Variants in CPXM2 observed in about 807,000 individuals in gnomAD.
CPXM2 encodes carboxypeptidase X, M14 family member 2.
In CPXM2, 66 loss-of-function variants were observed where a neutral mutation model predicts 86.1. The observed-to-expected ratio is 0.77, with a 90% CI of 0.63 to 0.94. The LOEUF (loss-of-function observed/expected upper bound fraction) is 0.94, where lower values mean the gene tolerates loss of function less well. Ranked by LOEUF, CPXM2 falls within the 40% of genes least tolerant of loss-of-function variation. CPXM2 has a pLI of 0.00. For synonymous variants in CPXM2, 388 were observed against 400.2 expected, an observed-to-expected ratio of 0.97 and a Z score of 0.36; for missense variants, 948 against 1,026.3, an observed-to-expected ratio of 0.92 and a Z score of 1.04.
At chr10:123,765,066 A>G (rs1480850905) in intron 10 of CPXM2, among the ~76,000 whole-genome samples, 1 of 152,136 alleles carries the variant, frequency 6.6e-6, no homozygotes, top group African/African-American at 2.4e-5. Context: ...ACAACCTTCC[A>G]GTTTAATTGT....
chr10:123,773,997 T>C (rs1360679337), intron 7 of CPXM2, among the ~76,000 whole-genome samples: 1 of 152,216 alleles, frequency 6.6e-6, no homozygotes, highest in Non-Finnish European at 1.5e-5. Flanking sequence ...TGCAAATCTG[T>C]GATTTGCTAG....
At chr10:123,749,541 A>G (rs1589956175) in intron 13 of CPXM2, among the ~76,000 whole-genome samples, 1 of 152,264 alleles carries the variant, frequency 6.6e-6, no homozygotes, top group Admixed American at 6.5e-5. Context: ...GCAGGGCCAC[A>G]TGGCGATGAA....
intron 3 of CPXM2, among the ~76,000 whole-genome samples, chr10:123,850,993 C>T (rs905212399): frequency 6.6e-6 from 1 of 152,234 alleles, no homozygotes; most frequent in Non-Finnish European, 1.5e-5. Flanking sequence ...CATTGCCCTA[C>T]ATCTTTGTCC....
intron 2 of CPXM2, among the ~76,000 whole-genome samples, chr10:123,878,075 T>G (rs530164041): frequency 6.6e-6 from 1 of 151,948 alleles, no homozygotes; most frequent in South Asian, 2.1e-4. Context: ...GCAACCTGAG[T>G]AGATCCTGAC....
chr10:123,854,768 C>T (rs763206134), intron 3 of CPXM2, among the ~76,000 whole-genome samples: 3 of 151,672 alleles, frequency 2.0e-5, no homozygotes, highest in Non-Finnish European at 4.4e-5. Context: ...GTAGGATGAC[C>T]GTCTTCTGGA....
chr10:123,761,776 G>T, intron 11 of CPXM2, 96 bp downstream of exon 11: 1 of 1,261,602 alleles, frequency 7.9e-7, no homozygotes. Context: ...ACCACTTAGT[G>T]ACAACAGGAC....
intron 2 of CPXM2, among the ~76,000 whole-genome samples, chr10:123,863,938 G>A (rs1590079687): frequency 6.6e-6 from 1 of 152,250 alleles, no homozygotes; most frequent in South Asian, 2.1e-4. Flanking sequence ...TCCACCAGAG[G>A]GCCTTGTCAG....
At chr10:123,767,429 C>T (rs1846504919) in intron 9 of CPXM2, among the ~76,000 whole-genome samples, 1 of 152,200 alleles carries the variant, frequency 6.6e-6, no homozygotes, top group South Asian at 2.1e-4. Flanking sequence ...TTCCTTCTTC[C>T]ACCCCTACCT....
chr10:123,776,299 C>T (rs148601728), intron 7 of CPXM2, among the ~76,000 whole-genome samples: 2,702 of 152,262 alleles, frequency 0.018, 37 homozygotes, highest in Non-Finnish European at 0.028. Flanking sequence ...TCTTAGAAAG[C>T]ACCAGGGTTT....
Position 123,923,576 on chromosome 10 carries a change from G to A in CPXM2, n.174+15901C>T, listed in dbSNP as rs540611334. 1.4e-4 allele frequency among the ~76,000 whole-genome samples: 21 copies of A among 148,528 alleles called. No individual in the cohort carries two copies. In the East Asian group the frequency reaches 2.8e-3, roughly 20 times the overall value. On this transcript the variant is annotated intron_variant and non_coding_transcript_variant, in intron 2 of 19. Coordinates refer to the CPXM2 transcript ENST00000368854. ...AGCCTGGGCGACAGAGCGAGACTCC[G>A]TCTCAAAAAAAAAAAAAAGAAATAA...
chr10:123,746,745 T>A lies in CPXM2; in HGVS notation c.*19A>T. The A allele has an allele frequency of 6.2e-7, 1 of 1,612,472 alleles. No homozygotes were observed. On this transcript the variant is annotated 3_prime_UTR_variant, in exon 14 of 14. Coordinates refer to ENST00000241305, the MANE Select transcript of CPXM2 (RefSeq NM_198148.3). ...TTAATTTGCATGGGTCCCAGACGAG[T>A]CTCAAGGGCCCAGGAGGGTCACCCA...
rs1028144983 is a variant in CPXM2 at position 123,923,363 on chromosome 10, G to A, written n.174+16114C>T. 7.1e-4 allele frequency among the ~76,000 whole-genome samples: 108 copies of A among 151,446 alleles called. 2 individuals are homozygous for A. The highest frequency in any genetic ancestry group is 3.4e-4 in the African/African-American group (14 of 41,184). On this transcript the variant is annotated intron_variant and non_coding_transcript_variant, in intron 2 of 19. Coordinates refer to the CPXM2 transcript ENST00000368854. ...TGGGAGGCCGAGGCGGGCGGATCAC[G>A]AGGTCAGGAGATCGAGACCATCCTG... is the stretch of plus-strand genomic sequence containing the variant.
At chr10:123,854,817 T>C (rs995349186) in intron 3 of CPXM2, among the ~76,000 whole-genome samples, 1 of 152,002 alleles carries the variant, frequency 6.6e-6, no homozygotes, top group Non-Finnish European at 1.5e-5. Context: ...TAGGTCATTC[T>C]GTGTTAGTGC....
chr10:123,841,312 C>A (rs907337621), intron 4 of CPXM2, among the ~76,000 whole-genome samples: 1 of 152,168 alleles, frequency 6.6e-6, no homozygotes. Context: ...TGAGCCGCCG[C>A]GGTCGACAGG....
At chr10:123,824,477 T>G (rs890229309) in intron 4 of CPXM2, among the ~76,000 whole-genome samples, 1 of 152,150 alleles carries the variant, frequency 6.6e-6, no homozygotes, top group African/African-American at 2.4e-5. Flanking sequence ...GAGATCTTCA[T>G]TGAAAATAAA....
chr10:123,758,426 T>C (rs1316331634), intron 11 of CPXM2, among the ~76,000 whole-genome samples: 1 of 152,174 alleles, frequency 6.6e-6, no homozygotes. Flanking sequence ...TCTGTCTTCA[T>C]ACGGGCTTCT....
At chr10:123,863,917 G>A (rs577613858) in intron 2 of CPXM2, among the ~76,000 whole-genome samples, 10 of 152,252 alleles carry the variant, frequency 6.6e-5, no homozygotes, top group Non-Finnish European at 1.0e-4. Flanking sequence ...AGTCCCCAGC[G>A]GTCACTGGTA....
chr10:123,893,309 C>G (rs536689756), upstream of CPXM2, among the ~76,000 whole-genome samples: 171 of 152,324 alleles, frequency 1.1e-3, no homozygotes, highest in African/African-American at 3.9e-3. Flanking sequence ...CAAGGCCTCA[C>G]CATTGCCCTG....
At chr10:123,863,475 GA>G (rs1017401357) in intron 2 of CPXM2, among the ~76,000 whole-genome samples, 12 of 152,310 alleles carry the variant, frequency 7.9e-5, no homozygotes, top group African/African-American at 2.9e-4. Context: ...ACCTCACAGA[GA>G]AAAACTTGGC....
Sources: gnomAD v4.1 joint callset for allele counts (sites outside exome capture counted in the v4.1 genomes callset) on GRCh38, gnomAD v4.1.1 for gene constraint, MANE v1.5 for transcripts, NCBI Gene and HGNC (gene_info 2026-07-23, HGNC 2026-07-21) for gene names.